The following NCAM2 variants were observed in gnomAD, a reference collection of about 807,000 sequenced individuals.
NCAM2 encodes the protein N-CAM-2.
A neutral mutation model predicts 98.1 loss-of-function variants in NCAM2; 30 were observed. The observed-to-expected ratio is 0.31, with a 90% confidence interval of 0.23 to 0.41. NCAM2 has a LOEUF of 0.41. Ranked by LOEUF, NCAM2 falls within the 10% of genes least tolerant of loss-of-function variation. The probability of loss-of-function intolerance (pLI) is 1.00; values close to 1 mark genes in which losing one functional copy is unlikely to be tolerated. For synonymous variants in NCAM2, 368 were observed against 342.4 expected, an observed-to-expected ratio of 1.07 and a Z score of -0.83; for missense variants, 867 against 1,005.8, an observed-to-expected ratio of 0.86 and a Z score of 1.87.
chr21:21,425,076 T>C (rs1018782800), intron 11 of NCAM2, among the ~76,000 whole-genome samples: 1 of 123,760 alleles, frequency 8.1e-6, no homozygotes, highest in South Asian at 2.8e-4. Flanking sequence ...AAATTCATCA[T>C]GTTTACATTC....
At chr21:21,164,403 G>A (rs923525764) in intron 1 of NCAM2, among the ~76,000 whole-genome samples, 1 of 152,174 alleles carries the variant, frequency 6.6e-6, no homozygotes, top group Non-Finnish European at 1.5e-5. Flanking sequence ...AATTTTAAAT[G>A]TAAGGAATGA....
intron 1 of NCAM2, among the ~76,000 whole-genome samples, chr21:21,238,249 G>A (rs998569632): frequency 6.6e-6 from 1 of 151,810 alleles, no homozygotes; most frequent in Non-Finnish European, 1.5e-5. Flanking sequence ...GAGCCACCGC[G>A]ACCACCCAAA....
intron 16 of NCAM2, among the ~76,000 whole-genome samples, chr21:21,529,162 C>A (rs1289901092): frequency 6.6e-6 from 1 of 151,964 alleles, no homozygotes; most frequent in Non-Finnish European, 1.5e-5. Flanking sequence ...AGTATCATGA[C>A]AGTAGGATCC....
intron 3 of NCAM2, 104 bp downstream of exon 3, chr21:21,284,504 G>C (rs11909694): frequency 0.18 from 148,563 of 820,832 alleles, 14,262 homozygotes; most frequent in Non-Finnish European, 0.2. Context: ...TATGTGCTTT[G>C]AAAATAAATA....
At chr21:21,429,640 C>A (rs996465520) in intron 11 of NCAM2, among the ~76,000 whole-genome samples, 3 of 152,076 alleles carry the variant, frequency 2.0e-5, no homozygotes, top group Admixed American at 2.0e-4. Flanking sequence ...TGCAGATTAA[C>A]CTGGAGATTA....
At chr21:21,446,199 C>G (rs1417555080) in intron 12 of NCAM2, among the ~76,000 whole-genome samples, 1 of 152,068 alleles carries the variant, frequency 6.6e-6, no homozygotes, top group East Asian at 1.9e-4. Context: ...GCTGAGAGGT[C>G]TGCTGTTAGT....
At chr21:21,330,406 T>C (rs2074640284) in intron 6 of NCAM2, among the ~76,000 whole-genome samples, 1 of 152,120 alleles carries the variant, frequency 6.6e-6, no homozygotes, top group South Asian at 2.1e-4. Flanking sequence ...TTTAGAAGTA[T>C]GCTGATTTGT....
intron 1 of NCAM2, among the ~76,000 whole-genome samples, chr21:21,058,486 G>A (rs779306613): frequency 6.6e-6 from 1 of 152,032 alleles, no homozygotes; most frequent in South Asian, 2.1e-4. Context: ...TACCAAATAT[G>A]TCTATACTCT....
chr21:21,201,858 A>T (rs1005140501), intron 1 of NCAM2, among the ~76,000 whole-genome samples: 1 of 152,196 alleles, frequency 6.6e-6, no homozygotes, highest in Non-Finnish European at 1.5e-5. Context: ...AATTTTTAGA[A>T]ATCTGAATTC....
intron 15 of NCAM2, among the ~76,000 whole-genome samples, chr21:21,486,316 A>G (rs1244356808): frequency 6.6e-6 from 1 of 150,900 alleles, no homozygotes; most frequent in Admixed American, 6.6e-5. Context: ...AAAAAAAAAA[A>G]AAAAAAAAAA....
rs932362581 is a variant in NCAM2 at position 21,182,910 on chromosome 21, A to T, written c.56-97668A>T. Among the ~76,000 whole-genome samples, 11 of 152,156 alleles carry T rather than the reference A, an allele frequency of 7.2e-5. 1 individual carries two copies. Among genetic ancestry groups the T allele is most frequent in the Admixed American group, 6.6e-4 (10 of 15,244 alleles). On this transcript the variant is annotated intron_variant, in intron 1 of 17. Transcript: ENST00000400546. ...TATGGAACATTTGCTCTTCTGTGAG[A>T]CAAAATAAATAGTCCAGCAAAAGTA...
chr21:21,173,574 G>C (rs2068189137), intron 1 of NCAM2, among the ~76,000 whole-genome samples: 1 of 152,084 alleles, frequency 6.6e-6, no homozygotes, highest in Non-Finnish European at 1.5e-5. Flanking sequence ...AGTTTATTTA[G>C]TTGTTTCCAT....
intron 15 of NCAM2, among the ~76,000 whole-genome samples, chr21:21,506,259 C>T (rs1306357451): frequency 1.3e-5 from 2 of 151,950 alleles, no homozygotes; most frequent in Non-Finnish European, 2.9e-5. Flanking sequence ...TTTTCCTGAG[C>T]TTTAGTTGTT....
intron 1 of NCAM2, among the ~76,000 whole-genome samples, chr21:21,080,968 G>A (rs894720574): frequency 6.6e-6 from 1 of 152,030 alleles, no homozygotes; most frequent in Non-Finnish European, 1.5e-5. Flanking sequence ...CTTAGAAGAG[G>A]GCCAAGCAGG....
chr21:21,395,601 C>G (rs1363175025), intron 9 of NCAM2, among the ~76,000 whole-genome samples: 1 of 152,114 alleles, frequency 6.6e-6, no homozygotes, highest in African/African-American at 2.4e-5. Context: ...GGAGGCAACA[C>G]ATTACCCAAC....
At chr21:21,453,432 A>T (rs1025091677) in intron 12 of NCAM2, among the ~76,000 whole-genome samples, 8 of 152,048 alleles carry the variant, frequency 5.3e-5, no homozygotes, top group Non-Finnish European at 7.4e-5. Context: ...GAGTAGACAG[A>T]TAGCCAAGCC....
intron 10 of NCAM2, among the ~76,000 whole-genome samples, chr21:21,412,431 A>G (rs550578926): frequency 1.3e-5 from 2 of 152,192 alleles, no homozygotes; most frequent in Non-Finnish European, 2.9e-5. Context: ...CAGTCCATAG[A>G]AAGTAGATTG....
intron 1 of NCAM2, among the ~76,000 whole-genome samples, chr21:21,268,676 A>C (rs184789826): frequency 4.6e-5 from 7 of 152,150 alleles, no homozygotes; most frequent in African/African-American, 1.4e-4. Flanking sequence ...CATAATTCTT[A>C]TCTCTCTTCT....
In NCAM2 at chr21:21,263,635, G is replaced by A. The variant is rs750388311; in HGVS notation, c.56-16943G>A. On this transcript the variant is annotated intron_variant, in intron 1 of 17. Coordinates refer to ENST00000400546, the MANE Select transcript of NCAM2 (RefSeq NM_004540.5). ...ACCACAAGAATATATAACAAAAACA[G>A]CATATTACTGGTTCAAAAATAGATA... is the stretch of plus-strand genomic sequence containing the variant. 3.9e-5 allele frequency among the ~76,000 whole-genome samples: 6 copies of A among 152,078 alleles called. No homozygotes were observed. In the South Asian group the frequency reaches 1.0e-3, roughly 26 times the overall value.
Sources: gnomAD v4.1 joint callset for allele counts (sites outside exome capture counted in the v4.1 genomes callset) on GRCh38, gnomAD v4.1.1 for gene constraint, MANE v1.5 for transcripts, NCBI Gene and HGNC (gene_info 2026-07-23, HGNC 2026-07-21) for gene names.